The following RTN4 variants were observed in gnomAD, a reference collection of about 807,000 sequenced individuals.
RTN4 encodes reticulon 4.
Under a neutral mutation model 90.4 loss-of-function variants are expected in RTN4, and 32 were observed. The observed-to-expected ratio is 0.35, with a 90% confidence interval of 0.27 to 0.48. The LOEUF is 0.48. RTN4 is among the 20% of genes least tolerant of loss of function. The pLI is 0.99. For synonymous variants in RTN4, 629 were observed against 552.5 expected (o/e 1.14, Z -1.94); for missense variants, 1,706 against 1,430.2 (o/e 1.19, Z -3.11).
chr2:55,098,925 G>C (rs1245949700), intron 1 of RTN4, among the ~76,000 whole-genome samples: 1 of 152,164 alleles, frequency 6.6e-6, no homozygotes. Context: ...AACTTGGTAA[G>C]ATTTGAATTT....
chr2:55,023,264 A>G (rs981328032), intron 3 of RTN4, among the ~76,000 whole-genome samples: 6 of 152,084 alleles, frequency 3.9e-5, no homozygotes, highest in Non-Finnish European at 8.8e-5. Context: ...GTTTGGCACA[A>G]TCAAAGAAAA....
chr2:55,039,673 G>A (rs1173973850), intron 1 of RTN4, among the ~76,000 whole-genome samples: 4 of 152,018 alleles, frequency 2.6e-5, no homozygotes, highest in South Asian at 4.1e-4. Flanking sequence ...ACAGCTACTC[G>A]GAGACTGAGG....
chr2:55,124,844 T>C, the RTN4 span, among the ~76,000 whole-genome samples: 3 of 152,234 alleles, frequency 2.0e-5, no homozygotes, highest in African/African-American at 4.8e-5. Flanking sequence ...CAAAACAGCA[T>C]GGTACTGGTA....
At chr2:55,115,299 G>C (rs1558886021), upstream of RTN4, among the ~76,000 whole-genome samples, 1 of 152,114 alleles carries the variant, frequency 6.6e-6, no homozygotes, top group Non-Finnish European at 1.5e-5. Flanking sequence ...GCTTCTAAAA[G>C]CTCCCACATT....
At chr2:55,061,662 C>T (rs961292670) in intron 2 of RTN4, among the ~76,000 whole-genome samples, 2 of 152,154 alleles carry the variant, frequency 1.3e-5, no homozygotes, top group East Asian at 3.9e-4. Flanking sequence ...TTGATTGCTT[C>T]GTCAAGGTAC....
chr2:55,124,468 C>A, the RTN4 span, among the ~76,000 whole-genome samples: 1 of 152,076 alleles, frequency 6.6e-6, no homozygotes, highest in Non-Finnish European at 1.5e-5. Context: ...TTCACAATTG[C>A]CACAAAAAGA....
the RTN4 span, among the ~76,000 whole-genome samples, chr2:55,128,148 T>G: frequency 6.6e-6 from 1 of 152,120 alleles, no homozygotes; most frequent in East Asian, 1.9e-4. Context: ...ACTGGGACTG[T>G]GACTGTTTTT....
intron 3 of RTN4, among the ~76,000 whole-genome samples, chr2:55,017,475 T>C (rs1490400033): frequency 6.6e-6 from 1 of 152,214 alleles, no homozygotes; most frequent in East Asian, 1.9e-4. Flanking sequence ...AGTTTAATTA[T>C]AATGAACAAA....
At chr2:54,989,093 C>A (rs755500714) in intron 3 of RTN4, among the ~76,000 whole-genome samples, 4 of 152,152 alleles carry the variant, frequency 2.6e-5, no homozygotes, top group Admixed American at 6.5e-5. Flanking sequence ...ATGTAACTTT[C>A]CTTTGCTCTT....
chr2:55,082,919 C>G (rs1050331436), intron 1 of RTN4, among the ~76,000 whole-genome samples: 45 of 152,118 alleles, frequency 3.0e-4, no homozygotes, highest in African/African-American at 9.2e-4. Flanking sequence ...CCACTGCACT[C>G]CAGCTTGGGC....
At chr2:54,994,214 T>A (rs1679240544) in intron 3 of RTN4, among the ~76,000 whole-genome samples, 1 of 152,192 alleles carries the variant, frequency 6.6e-6, no homozygotes, top group Non-Finnish European at 1.5e-5. Flanking sequence ...TTAATTTAGA[T>A]TTATTAGTTA....
At chr2:55,032,488 A>G (rs929595760) in intron 1 of RTN4, among the ~76,000 whole-genome samples, 3 of 152,202 alleles carry the variant, frequency 2.0e-5, no homozygotes, top group Non-Finnish European at 4.4e-5. Flanking sequence ...AATATAGACT[A>G]AAGGACCAAA....
chr2:54,982,482 G>A, intron 5 of RTN4, 33 bp downstream of exon 5: 1 of 1,588,992 alleles, frequency 6.3e-7, no homozygotes, highest in South Asian at 1.1e-5. Flanking sequence ...TAAATTCTGG[G>A]TATATCAAAA....
At chr2:55,092,146 C>A (rs1459024121) in intron 1 of RTN4, among the ~76,000 whole-genome samples, 3 of 149,856 alleles carry the variant, frequency 2.0e-5, no homozygotes, top group African/African-American at 7.4e-5. Flanking sequence ...GCTGAGATGG[C>A]ACCACTGCAC....
chr2:55,089,756 G>T (rs1169832821), intron 1 of RTN4, among the ~76,000 whole-genome samples: 1 of 152,170 alleles, frequency 6.6e-6, no homozygotes, highest in Non-Finnish European at 1.5e-5. Flanking sequence ...CCTTCTTCTG[G>T]CCACCACTCT....
chr2:55,016,266 A>C (rs1339934552), intron 3 of RTN4, among the ~76,000 whole-genome samples: 1 of 152,196 alleles, frequency 6.6e-6, no homozygotes, highest in Non-Finnish European at 1.5e-5. Flanking sequence ...CCAATTTCAT[A>C]AAACACTATT....
At chr2:55,070,684 G>A (rs149870278) in intron 2 of RTN4, among the ~76,000 whole-genome samples, 1 of 151,988 alleles carries the variant, frequency 6.6e-6, no homozygotes, top group Non-Finnish European at 1.5e-5. Flanking sequence ...AAAATCACCG[G>A]TCTATTATTA....
At chr2:55,009,152 G>C (rs1251468859) in intron 3 of RTN4, among the ~76,000 whole-genome samples, 1 of 151,932 alleles carries the variant, frequency 6.6e-6, no homozygotes, top group Admixed American at 6.6e-5. Context: ...AAATATTGTT[G>C]CCAATCCTGC....
chr2:55,078,717 A>C (rs1239966427), intron 2 of RTN4, among the ~76,000 whole-genome samples: 3 of 152,230 alleles, frequency 2.0e-5, no homozygotes, highest in Non-Finnish European at 4.4e-5. Flanking sequence ...ACACAGAGTA[A>C]ATGTGTTACG....
Sources: allele counts gnomAD v4.1 joint callset (sites outside exome capture counted in the v4.1 genomes callset), GRCh38; gene constraint gnomAD v4.1.1; transcripts MANE v1.5; gene names NCBI Gene and HGNC (gene_info 2026-07-23, HGNC 2026-07-21).